The following PARD3 variants were observed in gnomAD, a reference collection of about 807,000 sequenced individuals.
The protein encoded by PARD3 is partitioning defective 3 homolog.
A neutral mutation model predicts 155.4 loss-of-function variants in PARD3; 75 were observed. The ratio of observed to expected loss-of-function variants is 0.48; its 90% CI spans 0.40 to 0.58. The LOEUF (loss-of-function observed/expected upper bound fraction) is 0.58. Among genes scored for constraint, PARD3 ranks in the 20% least tolerant of loss-of-function variants. The pLI, the probability that PARD3 is intolerant of heterozygous loss-of-function variation, is 0.00. For synonymous variants in PARD3, 576 were observed against 610.5 expected, an observed-to-expected ratio of 0.94 and a Z score of 0.83; for missense variants, 1,642 against 1,721.7, an observed-to-expected ratio of 0.95 and a Z score of 0.82.
intron 7 of PARD3, among the ~76,000 whole-genome samples, chr10:34,387,623 C>G (rs1158529312): frequency 6.6e-6 from 1 of 152,058 alleles, no homozygotes; most frequent in Non-Finnish European, 1.5e-5. Flanking sequence ...TACTATGTTG[C>G]CCAGGCTGGT....
intron 5 of PARD3, among the ~76,000 whole-genome samples, chr10:34,441,201 A>G (rs945451850): frequency 1.3e-5 from 2 of 152,166 alleles, no homozygotes; most frequent in Non-Finnish European, 2.9e-5. Context: ...ATTTAAGAAA[A>G]CGAGATACCC....
chr10:34,696,836 T>C (rs1290344221), intron 1 of PARD3, among the ~76,000 whole-genome samples: 1 of 152,018 alleles, frequency 6.6e-6, no homozygotes, highest in Admixed American at 6.6e-5. Flanking sequence ...GAAGAATTTG[T>C]ATTTTTGCTT....
chr10:34,265,315 T>G (rs1955245474), intron 22 of PARD3, among the ~76,000 whole-genome samples: 1 of 152,214 alleles, frequency 6.6e-6, no homozygotes, highest in South Asian at 2.1e-4. Flanking sequence ...TGAGAAAATG[T>G]CCCATTTTGA....
At chr10:34,645,160 TTTTTATTTTA>T (rs3065320) in intron 2 of PARD3, among the ~76,000 whole-genome samples, 2,562 of 150,104 alleles carry the variant, frequency 0.017, 72 homozygotes, top group African/African-American at 0.059. Context: ...GCCAACACTA[TTTTTATTTTA>T]TTTTATTTTA....
chr10:34,226,336 G>A (rs1353281929), intron 22 of PARD3, among the ~76,000 whole-genome samples: 1 of 152,158 alleles, frequency 6.6e-6, no homozygotes. Context: ...GATCACTTAA[G>A]GTCAGGAGTT....
intron 19 of PARD3, among the ~76,000 whole-genome samples, chr10:34,324,101 A>G (rs983800295): frequency 6.6e-5 from 10 of 152,234 alleles, no homozygotes; most frequent in African/African-American, 2.4e-4. Context: ...TGGTCAAAGA[A>G]AGAGATTTCA....
chr10:34,201,131 T>A (rs549769713), intron 22 of PARD3, among the ~76,000 whole-genome samples: 64 of 152,320 alleles, frequency 4.2e-4, no homozygotes, highest in African/African-American at 1.5e-3. Flanking sequence ...CCCATCTCTA[T>A]CACCATGTAC....
chr10:34,260,723 C>T (rs1365600844), intron 22 of PARD3, among the ~76,000 whole-genome samples: 2 of 152,172 alleles, frequency 1.3e-5, no homozygotes, highest in African/African-American at 2.4e-5. Flanking sequence ...ATTACTTTCT[C>T]ACATTTCAAG....
At chr10:34,705,611 AAGAC>A (rs1030949619) in intron 1 of PARD3, among the ~76,000 whole-genome samples, 6 of 152,324 alleles carry the variant, frequency 3.9e-5, no homozygotes, top group African/African-American at 7.2e-5. Flanking sequence ...ATACAGGGAG[AAGAC>A]AGACAGTCAG....
chr10:34,393,899 G>A (rs1249205007), intron 7 of PARD3, among the ~76,000 whole-genome samples: 3 of 148,562 alleles, frequency 2.0e-5, no homozygotes, highest in Non-Finnish European at 4.4e-5. Flanking sequence ...GTGCAGTGGC[G>A]CGATCTCAGC....
intron 1 of PARD3, among the ~76,000 whole-genome samples, chr10:34,730,613 G>A (rs951988460): frequency 2.0e-5 from 3 of 152,114 alleles, no homozygotes; most frequent in East Asian, 3.9e-4. Context: ...GCAAGCCATC[G>A]TCTCTACAAA....
chr10:34,496,950 G>A (rs982155532), intron 3 of PARD3, among the ~76,000 whole-genome samples: 3 of 152,070 alleles, frequency 2.0e-5, no homozygotes, highest in South Asian at 2.1e-4. Flanking sequence ...GTGACATGAG[G>A]TCTGAAATAT....
intron 22 of PARD3, among the ~76,000 whole-genome samples, chr10:34,185,775 C>T (rs1950458926): frequency 6.7e-6 from 1 of 150,276 alleles, no homozygotes; most frequent in Admixed American, 6.7e-5. Flanking sequence ...AGTAGGCAGC[C>T]AGGTAAAATA....
intron 2 of PARD3, among the ~76,000 whole-genome samples, chr10:34,684,872 C>CACACCT (rs2093926467): frequency 1.0e-5 from 1 of 95,894 alleles, no homozygotes; most frequent in Admixed American, 1.3e-4. Flanking sequence ...TATATATACA[C>CACACCT]ACACATACAC....
intron 1 of PARD3, among the ~76,000 whole-genome samples, chr10:34,757,512 C>A (rs753285956): frequency 1.3e-5 from 2 of 152,098 alleles, no homozygotes; most frequent in Non-Finnish European, 2.9e-5. Flanking sequence ...CGAGAGCAAC[C>A]TGGCCAACCA....
chr10:34,317,347 G>T lies in PARD3; in HGVS notation c.2834-9C>A. The T allele has an allele frequency of 6.4e-7, 1 of 1,569,620 alleles. No individual in the cohort carries two copies. The highest frequency in any genetic ancestry group is 8.6e-7 in the Non-Finnish European group (1 of 1,163,564). Reference sequence around the variant, plus strand: ...TTCTGTGTCTTCTTCCACTTGGAAGGAAAGAAAAAAAAATAGGGACACAGT... The same window carrying T: ...TTCTGTGTCTTCTTCCACTTGGAAGTAAAGAAAAAAAAATAGGGACACAGT... On this transcript the variant is annotated splice_polypyrimidine_tract_variant and intron_variant, in intron 19 of 24. Coordinates refer to ENST00000374788, the MANE Select transcript of PARD3 (RefSeq NM_001184785.2).
At chr10:34,766,078 T>C (rs1043111809) in intron 1 of PARD3, among the ~76,000 whole-genome samples, 5 of 152,238 alleles carry the variant, frequency 3.3e-5, no homozygotes, top group African/African-American at 1.2e-4. Flanking sequence ...CTCCTTTTAG[T>C]GTTATGAATC....
At chr10:34,631,027 C>G (rs1469813064) in intron 2 of PARD3, among the ~76,000 whole-genome samples, 1 of 151,788 alleles carries the variant, frequency 6.6e-6, no homozygotes, top group Non-Finnish European at 1.5e-5. Context: ...GTTGCCCAGG[C>G]TGCTCTCAAA....
intron 22 of PARD3, among the ~76,000 whole-genome samples, chr10:34,197,541 G>A (rs924871371): frequency 3.9e-5 from 6 of 152,160 alleles, no homozygotes; most frequent in Non-Finnish European, 8.8e-5. Context: ...TGCATTTAAT[G>A]ACTTTGGGAC....
Sources: gnomAD v4.1 joint callset for allele counts (sites outside exome capture counted in the v4.1 genomes callset) on GRCh38, gnomAD v4.1.1 for gene constraint, MANE v1.5 for transcripts, NCBI Gene and HGNC (gene_info 2026-07-23, HGNC 2026-07-21) for gene names.